Variants in CEP128 observed in about 807,000 individuals in gnomAD.
CEP128 encodes the protein centrosomal protein 128, also known as centrosomal protein 128kDa.
Under a neutral mutation model 156.7 loss-of-function variants are expected in CEP128, and 132 were observed. That is an observed-to-expected ratio of 0.84 (90% CI 0.73 to 0.97). CEP128 has a LOEUF of 0.97. Among genes scored for constraint, CEP128 ranks in the 50% least tolerant of loss-of-function variants. The pLI is 0.00. For synonymous variants in CEP128, 469 were observed against 448.9 expected (o/e 1.04, Z -0.57); for missense variants, 1,252 against 1,281.9 (o/e 0.98, Z 0.36).
At chr14:80,573,174 C>G (rs1595027297) in intron 20 of CEP128, among the ~76,000 whole-genome samples, 1 of 152,004 alleles carries the variant, frequency 6.6e-6, no homozygotes, top group East Asian at 1.9e-4. Context: ...ATCCACCCAC[C>G]TAGGCCTCTC....
At chr14:80,774,355 C>A (rs1900672983) in intron 16 of CEP128, among the ~76,000 whole-genome samples, 1 of 152,084 alleles carries the variant, frequency 6.6e-6, no homozygotes, top group African/African-American at 2.4e-5. Context: ...GATGGGCATG[C>A]AAAAATACCA....
rs117709025 is a variant in CEP128, at chr14:80,827,466, A to T, written c.1209+3677T>A. Among the ~76,000 whole-genome samples the T allele has an allele frequency of 1.6e-3, 238 of 152,284 alleles. 5 individuals are homozygous for T. The East Asian group carries it at 0.044, about 28-fold the overall frequency. The stretch of plus-strand genomic sequence containing the variant: ...ATACTAGTAAGTGGCCCAGAGCAAA[A>T]TCCGTGCACAGCAACATATCAAAAG... On this transcript the variant is annotated intron_variant, in intron 13 of 24. Transcript: ENST00000555265.
chr14:80,801,516 GA>G (rs1203114271), intron 13 of CEP128, among the ~76,000 whole-genome samples: 36 of 149,160 alleles, frequency 2.4e-4, no homozygotes, highest in East Asian at 9.9e-4. Context: ...ATATTTAGAA[GA>G]AAAAAAAACA....
chr14:80,628,124 T>C (rs1418682455), intron 19 of CEP128, among the ~76,000 whole-genome samples: 2 of 152,198 alleles, frequency 1.3e-5, no homozygotes, highest in Non-Finnish European at 2.9e-5. Flanking sequence ...GTTTGACAGA[T>C]CAAACTAACC....
chr14:80,565,059 C>CAAAAAA (rs964520178), intron 20 of CEP128, among the ~76,000 whole-genome samples: 1 of 150,646 alleles, frequency 6.6e-6, no homozygotes, highest in African/African-American at 2.4e-5. Context: ...AACTCCGTCT[C>CAAAAAA]AAAAAAAAAG....
At position 80,950,078 on chromosome 14, in the gene CEP128, A is replaced by T. The variant is rs189183341; in HGVS notation, c.-172+8100T>A. Among the ~76,000 whole-genome samples, 458 of 152,322 alleles carry T rather than the reference A, an allele frequency of 3.0e-3. 6 individuals are homozygous for T. Among genetic ancestry groups the T allele is most frequent in the African/African-American group, 0.011 (444 of 41,560 alleles). The stretch of plus-strand genomic sequence containing the variant: ...AGCATGGACCCAAATACAATGACTG[A>T]TGTCCTTGTAGGAAGAGGGAAATTT... On this transcript the variant is annotated intron_variant, in intron 2 of 7. Transcript: ENST00000555529.
At chr14:80,935,767 C>G (rs988962824) in intron 2 of CEP128, among the ~76,000 whole-genome samples, 3 of 150,802 alleles carry the variant, frequency 2.0e-5, no homozygotes, top group Non-Finnish European at 2.9e-5. Flanking sequence ...ATGGTAGAAG[C>G]CAAAATAAGC....
chr14:80,668,103 C>A (rs948951196), intron 19 of CEP128, among the ~76,000 whole-genome samples: 1 of 152,104 alleles, frequency 6.6e-6, no homozygotes, highest in African/African-American at 2.4e-5. Context: ...CACACTTATT[C>A]CTTGCACAAT....
At chr14:80,893,513 A>AT (rs1889203325) in intron 8 of CEP128, among the ~76,000 whole-genome samples, 1 of 151,704 alleles carries the variant, frequency 6.6e-6, no homozygotes, top group Admixed American at 6.6e-5. Flanking sequence ...CAAAACAAAA[A>AT]AAAAAAATGG....
chr14:80,669,185 A>T (rs1465525257), intron 19 of CEP128, among the ~76,000 whole-genome samples: 1 of 152,188 alleles, frequency 6.6e-6, no homozygotes, highest in Non-Finnish European at 1.5e-5. Context: ...TGGATCAAAG[A>T]CTTAAATGTA....
chr14:80,922,702 T>C (rs1461238197), intron 2 of CEP128, among the ~76,000 whole-genome samples: 1 of 152,204 alleles, frequency 6.6e-6, no homozygotes, highest in Non-Finnish European at 1.5e-5. Flanking sequence ...AAAATCTTCA[T>C]TATTGTCTTT....
intron 19 of CEP128, among the ~76,000 whole-genome samples, chr14:80,729,373 A>G (rs1271959687): frequency 8.6e-6 from 1 of 115,962 alleles, no homozygotes; most frequent in African/African-American, 3.4e-5. Flanking sequence ...GTAGTATTCT[A>G]TGGTATACAT....
intron 19 of CEP128, among the ~76,000 whole-genome samples, chr14:80,735,246 A>G (rs887697952): frequency 6.6e-6 from 1 of 152,174 alleles, no homozygotes; most frequent in Non-Finnish European, 1.5e-5. Context: ...AGGGCCTTAC[A>G]ACAGCCTAAG....
chr14:80,847,751 A>G (rs895007503), intron 9 of CEP128, among the ~76,000 whole-genome samples: 1 of 152,220 alleles, frequency 6.6e-6, no homozygotes, highest in Non-Finnish European at 1.5e-5. Context: ...ACAAATGTGG[A>G]ATAATGCCCT....
intron 19 of CEP128, among the ~76,000 whole-genome samples, chr14:80,647,243 C>G (rs1894703499): frequency 6.6e-6 from 1 of 151,114 alleles, no homozygotes; most frequent in South Asian, 2.1e-4. Flanking sequence ...ATTCCTGTGC[C>G]TAAGTTTCTT....
intron 14 of CEP128, among the ~76,000 whole-genome samples, chr14:80,789,645 C>T (rs1026538426): frequency 1.3e-5 from 2 of 151,970 alleles, no homozygotes; most frequent in African/African-American, 4.8e-5. Flanking sequence ...ATGCTCTAAC[C>T]AGGCAAACCA....
chr14:80,482,273 G>A (rs967141048), intron 14 of CEP128, among the ~76,000 whole-genome samples: 9 of 152,166 alleles, frequency 5.9e-5, no homozygotes, highest in East Asian at 3.8e-4. Flanking sequence ...TGTTTAGTAC[G>A]TTGGATAACT....
rs747622259 is a variant in CEP128, at chr14:80,530,884, A to C, written c.2883T>G (p.Ser961Arg). ...CCAGATGGTCCAAGGCCACTTGGGT[A>C]CTCTGAAATAGAAAACATAAGGAAA... ...LQDRVIALET[S>R]TQVALDHLES... The change falls in exon 22 of 25, where the codon AGT becomes AGG. Residue 961 changes from serine to arginine, a missense_variant and splice_region_variant. Coordinates refer to ENST00000555265, the MANE Select transcript of CEP128 (RefSeq NM_152446.5). The C allele has an allele frequency of 1.3e-5, 20 of 1,594,324 alleles. No homozygotes were observed. In the East Asian group the frequency reaches 4.5e-4, roughly 36 times the overall value.
intron 15 of CEP128, among the ~76,000 whole-genome samples, chr14:80,782,968 T>C (rs1901206184): frequency 6.6e-6 from 1 of 152,174 alleles, no homozygotes; most frequent in South Asian, 2.1e-4. Flanking sequence ...TCTCATCCTC[T>C]TTTTATTCCC....
Sources: allele counts gnomAD v4.1 joint callset (sites outside exome capture counted in the v4.1 genomes callset), GRCh38; gene constraint gnomAD v4.1.1; transcripts MANE v1.5; gene names NCBI Gene and HGNC (gene_info 2026-07-23, HGNC 2026-07-21).